Variants in PLEKHS1 observed in about 807,000 individuals in gnomAD.
The protein encoded by PLEKHS1 is pleckstrin homology domain containing S1.
PLEKHS1 carries 55 observed loss-of-function variants against 51.0 expected under a neutral mutation model. The observed-to-expected ratio is 1.08, with a 90% CI of 0.87 to 1.35. The LOEUF is 1.35. PLEKHS1 is among the 40% of genes most tolerant of loss of function. The pLI, the probability that PLEKHS1 is intolerant of heterozygous loss-of-function variation, is 0.00. For synonymous variants in PLEKHS1, 153 were observed against 144.8 expected (o/e 1.06, Z -0.41); for missense variants, 398 against 423.0 (o/e 0.94, Z 0.52).
At chr10:113,760,543 T>G (rs954764137) in intron 2 of PLEKHS1, among the ~76,000 whole-genome samples, 2 of 152,250 alleles carry the variant, frequency 1.3e-5, no homozygotes, top group Non-Finnish European at 2.9e-5. Context: ...AATTTTGATC[T>G]ACATTTCCTT....
At chr10:113,756,988 C>G (rs148684302) in intron 2 of PLEKHS1, among the ~76,000 whole-genome samples, 3,090 of 136,406 alleles carry the variant, frequency 0.023, 120 homozygotes, top group African/African-American at 0.078. Context: ...GCGATCTCAA[C>G]TCACTGCAAC....
rs757624528 is a variant in PLEKHS1, at chr10:113,774,348, C to T, written c.779+15C>T. 8.8e-6 allele frequency: 13 copies of T among 1,472,090 alleles called. No homozygotes were observed. In the East Asian group the frequency reaches 1.2e-4, roughly 13 times the overall value. The allele number at this position is 1,472,090 out of a possible 1,614,324, so 91.2% of individuals were successfully genotyped here. ...ATGGAATCCTAGTAAGTCAAAATGC[C>T]GTTTCAAAATTTGATGTTTGCTCAT... On this transcript the variant is annotated intron_variant, in intron 9 of 11. Transcript: ENST00000361048.
chr10:113,768,693 A>G lies in PLEKHS1; in HGVS notation c.360-122A>G, dbSNP rs1038361249. On this transcript the variant is annotated intron_variant, in intron 5 of 11. Transcript: ENST00000361048. The stretch of plus-strand genomic sequence containing the variant: ...CGAGGCCATTTAAGCTACTTAGGAA[A>G]AATTCTTATTTCGCTGGTACCTGCT... 9 of 704,826 alleles carry G rather than the reference A, an allele frequency of 1.3e-5. No individual in the cohort carries two copies. In the African/African-American group the frequency reaches 1.7e-4, roughly 13 times the overall value. 43.7% of individuals were successfully genotyped at this position (704,826 alleles called of 1,614,324 possible). A position where few individuals can be genotyped will look rare whatever the true frequency, so the allele number is the denominator to read the frequency against.
chr10:113,751,716 A>T (rs1306236334), exon 1 of PLEKHS1: 1 of 152,246 alleles, frequency 6.6e-6, no homozygotes. Context: ...AATCCTCGGG[A>T]CAAGGCACTT....
intron 6 of PLEKHS1, 99 bp from the exon 7 acceptor site, chr10:113,769,685 T>C (rs1341348967): frequency 3.9e-6 from 3 of 759,942 alleles, no homozygotes; most frequent in Admixed American, 1.9e-5. Flanking sequence ...TAGATTGCTA[T>C]GGGAAAAGAC....
At chr10:113,780,822 G>A in exon 12 of PLEKHS1, 1 of 1,525,312 alleles carries the variant, frequency 6.6e-7, no homozygotes. Context: ...GATGGAGCTG[G>A]GACTGTCCAG....
intron 2 of PLEKHS1, among the ~76,000 whole-genome samples, chr10:113,759,029 T>A: frequency 6.6e-6 from 1 of 151,962 alleles, no homozygotes; most frequent in East Asian, 1.9e-4. Context: ...AAAAGCAATA[T>A]ATGCAAAGCA....
intron 8 of PLEKHS1, 144 bp from the exon 9 acceptor site, chr10:113,774,083 T>A: frequency 1.8e-6 from 1 of 563,736 alleles, no homozygotes; most frequent in South Asian, 2.4e-5. Context: ...GTAAGGTTGG[T>A]TGATATTTCT....
At chr10:113,779,028 G>A (rs1473223785) in intron 11 of PLEKHS1, among the ~76,000 whole-genome samples, 1 of 152,218 alleles carries the variant, frequency 6.6e-6, no homozygotes, top group East Asian at 1.9e-4. Flanking sequence ...TCACAGATTA[G>A]TGGATGAAGC....
intron 11 of PLEKHS1, 144 bp downstream of exon 12, chr10:113,777,403 C>T (rs1015538947): frequency 5.6e-6 from 9 of 1,610,100 alleles, no homozygotes; most frequent in Non-Finnish European, 7.6e-6. Flanking sequence ...ACAGAATGTG[C>T]TTTCAGGACT....
intron 2 of PLEKHS1, among the ~76,000 whole-genome samples, chr10:113,757,162 C>T (rs1206083086): frequency 6.6e-6 from 1 of 152,194 alleles, no homozygotes; most frequent in Non-Finnish European, 1.5e-5. Context: ...ATCCACCCGC[C>T]TTGGCCTCCC....
At chr10:113,770,024 A>G (rs1844335469) in intron 7 of PLEKHS1, 124 bp downstream of exon 7, 4 of 745,110 alleles carry the variant, frequency 5.4e-6, no homozygotes, top group Non-Finnish European at 9.4e-6. Flanking sequence ...GCACTATAAG[A>G]AAGATTCTTA....
chr10:113,756,096 T>C (rs997808171), intron 2 of PLEKHS1, among the ~76,000 whole-genome samples: 17 of 152,240 alleles, frequency 1.1e-4, no homozygotes, highest in Non-Finnish European at 2.1e-4. Flanking sequence ...AGTTAAATTA[T>C]CCAATTCAAC....
At chr10:113,776,008 C>A in intron 11 of PLEKHS1, 142 bp downstream of exon 11, 2 of 551,586 alleles carry the variant, frequency 3.6e-6, no homozygotes, top group Non-Finnish European at 6.1e-6. Context: ...GCTGTTGTTA[C>A]AAAAAAATCT....
chr10:113,755,279 T>C (rs1036840929), exon 2 of PLEKHS1: 14 of 1,608,460 alleles, frequency 8.7e-6, no homozygotes, highest in Non-Finnish European at 1.1e-5. Context: ...ACAGCCATCA[T>C]GGAACCCAAA....
exon 12 of PLEKHS1, chr10:113,780,791 G>A (rs780073494): frequency 2.5e-5 from 38 of 1,540,032 alleles, no homozygotes; most frequent in Non-Finnish European, 3.2e-5. Context: ...ACGCACCCCA[G>A]ACCCATGGCA....
At position 113,774,900 on chromosome 10, in the gene PLEKHS1, A is replaced by G. The variant is rs780536187; in HGVS notation, c.854A>G (p.Asp285Gly). Residue 285 changes from aspartate (D) to glycine (G), a missense_variant, in exon 10 of 12, where the codon GAT (aspartate) becomes GGT (glycine). Coordinates refer to ENST00000361048, the Ensembl canonical transcript of PLEKHS1. ...CCCCAGACCCTTCCAGAGACCCAGG[A>G]TGGGGACCTCCACCTGCAAGAACAA... 3.7e-6 allele frequency: 6 copies of G among 1,614,178 alleles called. No individual in the cohort carries two copies. The highest frequency in any genetic ancestry group is 5.1e-6 in the Non-Finnish European group (6 of 1,180,004).
At chr10:113,763,289 C>T (rs563278070) in intron 2 of PLEKHS1, among the ~76,000 whole-genome samples, 183 of 152,178 alleles carry the variant, frequency 1.2e-3, no homozygotes, top group Admixed American at 3.6e-3. Flanking sequence ...CATAGCATAT[C>T]TTTTTTTCCA....
chr10:113,780,107 TG>T (rs1844820890), intron 11 of PLEKHS1, among the ~76,000 whole-genome samples: 1 of 148,820 alleles, frequency 6.7e-6, no homozygotes, highest in Non-Finnish European at 1.5e-5. Flanking sequence ...ATGCTACAGA[TG>T]AGGGAAGTGG....
Sources: gnomAD v4.1 joint callset for allele counts (sites outside exome capture counted in the v4.1 genomes callset) on GRCh38, gnomAD v4.1.1 for gene constraint, MANE v1.5 for transcripts, NCBI Gene and HGNC (gene_info 2026-07-23, HGNC 2026-07-21) for gene names.